The following GABRA3 variants were observed in gnomAD, a reference collection of about 807,000 sequenced individuals.
GABRA3 encodes gamma-aminobutyric acid receptor subunit alpha-3.
In GABRA3, 10 loss-of-function variants were observed where a neutral mutation model predicts 30.1. The ratio of observed to expected loss-of-function variants is 0.33; its 90% confidence interval spans 0.20 to 0.56. The LOEUF is 0.56. GABRA3 is among the 20% of genes least tolerant of loss of function. The pLI is 0.89. For synonymous variants in GABRA3, 151 were observed against 146.8 expected (o/e 1.03, Z -0.21); for missense variants, 233 against 392.0 (o/e 0.59, Z 3.42).
chrX:152,362,228 C>A (rs1450725269), intron 2 of GABRA3, among the ~76,000 whole-genome samples: 1 of 109,943 alleles, frequency 9.1e-6, no homozygotes, highest in Non-Finnish European at 1.9e-5. Context: ...ATGCATGCTT[C>A]CAAGAATATA....
At chrX:152,174,662 T>A (rs1262492496) in intron 9 of GABRA3, among the ~76,000 whole-genome samples, 1 of 112,090 alleles carries the variant, frequency 8.9e-6, no homozygotes, top group African/African-American at 3.2e-5. Context: ...TGTAAATTTG[T>A]TTGAGTTCAT....
chrX:152,199,342 G>A (rs1405309364), intron 7 of GABRA3, among the ~76,000 whole-genome samples: 1 of 104,583 alleles, frequency 9.6e-6, no homozygotes, highest in Non-Finnish European at 2.0e-5. Flanking sequence ...CTCCAGCCTG[G>A]GCAACAGGCG....
chrX:152,263,770 T>C (rs1444959089), intron 4 of GABRA3, among the ~76,000 whole-genome samples: 1 of 111,256 alleles, frequency 9.0e-6, no homozygotes, highest in East Asian at 2.8e-4. Context: ...AGAAGACTAC[T>C]TCAAGAACAT....
At chrX:152,313,408 T>A (rs574762197) in intron 3 of GABRA3, among the ~76,000 whole-genome samples, 2 of 111,840 alleles carry the variant, frequency 1.8e-5, no homozygotes, top group African/African-American at 6.5e-5. Context: ...TCCCTTTATA[T>A]TGGTGCTTAA....
chrX:152,304,008 G>A lies in GABRA3; in HGVS notation c.263-19273C>T, dbSNP rs552291282. Among the ~76,000 whole-genome samples the A allele has an allele frequency of 4.2e-4, 47 of 112,126 alleles. No individual in the cohort carries two copies. In the South Asian group the frequency reaches 0.013, roughly 32 times the overall value. On this transcript the variant is annotated intron_variant, in intron 3 of 9. Transcript: ENST00000370314. ...TTAAAAAATAGCCATTCTAACTGGC[G>A]TGAGATGGTATCTTATTGTGAGTTT... is the stretch of plus-strand genomic sequence containing the variant.
chrX:152,400,658 G>A (rs1486111721), intron 1 of GABRA3, among the ~76,000 whole-genome samples: 3 of 111,967 alleles, frequency 2.7e-5, no homozygotes, highest in Non-Finnish European at 5.6e-5. Context: ...ATATGGAATA[G>A]TTGATAATCA....
In GABRA3 at chrX:152,255,526, A is replaced by C. The variant is rs775544287; in HGVS notation, c.551+252T>G. Among the ~76,000 whole-genome samples the C allele has an allele frequency of 3.6e-5, 4 of 112,121 alleles. No individual in the cohort carries two copies. In the South Asian group the frequency reaches 1.1e-3, roughly 31 times the overall value. ...CACATGTGTCTTTAGGTATGCATGC[A>C]TATACAAATCATGAATGTATACCTC... On this transcript the variant is annotated intron_variant, in intron 5 of 9. Transcript: ENST00000370314.
At chrX:152,400,337 GATAA>G (rs769543980) in intron 1 of GABRA3, among the ~76,000 whole-genome samples, 1 of 108,276 alleles carries the variant, frequency 9.2e-6, no homozygotes, top group Non-Finnish European at 1.9e-5. Context: ...TACATAAATA[GATAA>G]ATAAATAAAT....
chrX:152,208,898 C>T (rs1052913154), intron 6 of GABRA3, among the ~76,000 whole-genome samples: 3 of 111,445 alleles, frequency 2.7e-5, no homozygotes, highest in Non-Finnish European at 5.6e-5. Flanking sequence ...TTATAATTTA[C>T]CTAGCTTCAG....
intron 8 of GABRA3, among the ~76,000 whole-genome samples, chrX:152,196,030 A>G (rs1937380064): frequency 9.1e-6 from 1 of 109,761 alleles, no homozygotes; most frequent in African/African-American, 3.3e-5. Context: ...TTCTTCTTTC[A>G]TTTGGGCCCC....
At chrX:152,438,512 A>C (rs886844932) in intron 1 of GABRA3, among the ~76,000 whole-genome samples, 3 of 112,523 alleles carry the variant, frequency 2.7e-5, no homozygotes, top group Non-Finnish European at 5.6e-5. Flanking sequence ...GCTTACAAAC[A>C]CTTATAGCAG....
chrX:152,221,293 T>C (rs925374674), intron 6 of GABRA3, among the ~76,000 whole-genome samples: 1 of 110,279 alleles, frequency 9.1e-6, no homozygotes, highest in African/African-American at 3.4e-5. Flanking sequence ...TTTTTGTTTA[T>C]CATGTGATGT....
chrX:152,235,852 G>C (rs185254127), intron 5 of GABRA3, among the ~76,000 whole-genome samples: 2 of 107,630 alleles, frequency 1.9e-5, no homozygotes, highest in Admixed American at 1.0e-4. Context: ...GAAATAGAAA[G>C]AAATCATAAA....
chrX:152,336,039 T>G (rs1304294100), intron 3 of GABRA3, among the ~76,000 whole-genome samples: 1 of 111,320 alleles, frequency 9.0e-6, no homozygotes, highest in African/African-American at 3.3e-5. Context: ...TTTTTTGAAG[T>G]ATATTTTCTT....
chrX:152,397,864 T>C (rs1929701713), intron 1 of GABRA3, among the ~76,000 whole-genome samples: 2 of 111,398 alleles, frequency 1.8e-5, no homozygotes, highest in Middle Eastern at 4.6e-3. Context: ...TCGAAGTATC[T>C]ATCCCAAGGT....
chrX:152,408,352 A>G (rs1929985750), intron 1 of GABRA3, among the ~76,000 whole-genome samples: 2 of 111,733 alleles, frequency 1.8e-5, no homozygotes, highest in South Asian at 7.4e-4. Context: ...AACCATTATA[A>G]CTGATTTTTA....
chrX:152,417,486 A>T (rs1930258212), intron 1 of GABRA3, among the ~76,000 whole-genome samples: 1 of 107,483 alleles, frequency 9.3e-6, no homozygotes, highest in Non-Finnish European at 1.9e-5. Context: ...AGGGATCTAG[A>T]ACTGGAAATA....
At chrX:152,326,634 C>G (rs1355780755) in intron 3 of GABRA3, among the ~76,000 whole-genome samples, 1 of 111,281 alleles carries the variant, frequency 9.0e-6, no homozygotes, top group Non-Finnish European at 1.9e-5. Context: ...AAATAAAATC[C>G]TTTACAGACA....
intron 3 of GABRA3, among the ~76,000 whole-genome samples, chrX:152,317,923 G>A (rs947897819): frequency 1.8e-5 from 2 of 110,018 alleles, no homozygotes; most frequent in Non-Finnish European, 3.8e-5. Flanking sequence ...GAGAAATAAC[G>A]GACCAAACCT....
Sources: gnomAD v4.1 joint callset for allele counts (sites outside exome capture counted in the v4.1 genomes callset) on GRCh38, gnomAD v4.1.1 for gene constraint, MANE v1.5 for transcripts, NCBI Gene and HGNC (gene_info 2026-07-23, HGNC 2026-07-21) for gene names.